Variants in MAGI3 observed in about 807,000 individuals in gnomAD.
MAGI3 encodes membrane associated guanylate kinase, WW and PDZ domain containing 3, also known as membrane-associated guanylate kinase, WW and PDZ domain-containing protein 3.
In MAGI3, 43 loss-of-function variants were observed where a neutral mutation model predicts 121.8. The ratio of observed to expected loss-of-function variants is 0.35; its 90% CI spans 0.28 to 0.46. The LOEUF is 0.46. Ranked by LOEUF, MAGI3 falls within the 20% of genes least tolerant of loss-of-function variation. The pLI is 1.00. For synonymous variants in MAGI3, 553 were observed against 639.3 expected (o/e 0.86, Z 2.04); for missense variants, 1,547 against 1,797.3 (o/e 0.86, Z 2.52).
intron 2 of MAGI3, among the ~76,000 whole-genome samples, chr1:113,568,269 A>G (rs988666717): frequency 1.3e-5 from 2 of 152,132 alleles, no homozygotes; most frequent in Non-Finnish European, 2.9e-5. Context: ...ACCATAGCAT[A>G]TAAGTTTTTT....
intron 6 of MAGI3, among the ~76,000 whole-genome samples, chr1:113,604,385 G>A (rs1649605969): frequency 6.6e-6 from 1 of 151,684 alleles, no homozygotes; most frequent in Admixed American, 6.6e-5. Flanking sequence ...TGGCCAATAT[G>A]GTGAAACCCC....
At chr1:113,545,082 TG>T (rs1345143372) in intron 1 of MAGI3, among the ~76,000 whole-genome samples, 4 of 140,732 alleles carry the variant, frequency 2.8e-5, no homozygotes, top group Admixed American at 7.7e-5. Flanking sequence ...TGTTTTGTTT[TG>T]TTTTTTTTTT....
At chr1:113,562,328 G>C (rs1660273702) in intron 2 of MAGI3, among the ~76,000 whole-genome samples, 1 of 152,274 alleles carries the variant, frequency 6.6e-6, no homozygotes, top group Admixed American at 6.5e-5. Context: ...GCATGAACCT[G>C]GGAGGTGGAG....
intron 20 of MAGI3, chr1:113,682,113 T>C: frequency 8.1e-7 from 1 of 1,239,916 alleles, no homozygotes; most frequent in Middle Eastern, 2.1e-4. Flanking sequence ...TTCCACCATC[T>C]GCTTGTAAAT....
At chr1:113,670,590 T>C (rs1647488507) in intron 16 of MAGI3, among the ~76,000 whole-genome samples, 1 of 152,176 alleles carries the variant, frequency 6.6e-6, no homozygotes, top group African/African-American at 2.4e-5. Flanking sequence ...TCAGCATATA[T>C]GTTTAAAGAG....
intron 1 of MAGI3, among the ~76,000 whole-genome samples, chr1:113,438,073 C>T (rs1653720425): frequency 6.6e-6 from 1 of 151,862 alleles, no homozygotes. Flanking sequence ...GAACTACAGG[C>T]ATGAGCCACT....
chr1:113,391,487 C>G lies in MAGI3; in HGVS notation c.316+138C>G. On this transcript the variant is annotated intron_variant, in intron 1 of 20. Transcript: ENST00000307546. This position sits in a 1 kb window ranked among gnomAD's most constrained non-coding sequence, Gnocchi z 4.4. The stretch of plus-strand genomic sequence containing the variant: ...CTCTAGGGTGTGCCAGACTCCTTGA[C>G]GAGGGGGAGGGGTGGCGTTGGTGAG... 1 of 986,566 alleles carries G rather than the reference C, an allele frequency of 1.0e-6. No individual in the cohort carries two copies. The highest frequency in any genetic ancestry group is 1.5e-6 in the Non-Finnish European group (1 of 685,782). 61.1% of individuals were successfully genotyped at this position (986,566 alleles called of 1,614,324 possible).
intron 19 of MAGI3, among the ~76,000 whole-genome samples, chr1:113,677,928 C>T (rs1454252932): frequency 1.3e-5 from 2 of 152,106 alleles, no homozygotes; most frequent in African/African-American, 2.4e-5. Flanking sequence ...CTGAATTTCC[C>T]TCTCAGAAGA....
At position 113,532,541 on chromosome 1, in the gene MAGI3, T is replaced by C. The variant is rs190992908; in HGVS notation, c.317-16974T>C. ...AATTGTCAGTTGTCTTATTTTTTAA[T>C]GTCTCTTCTAAATTGTCACATCTGT... On this transcript the variant is annotated intron_variant, in intron 1 of 20. Coordinates refer to ENST00000307546, the MANE Select transcript of MAGI3 (RefSeq NM_001142782.2). 1.3e-3 allele frequency among the ~76,000 whole-genome samples: 192 copies of C among 152,294 alleles called. 2 individuals carry two copies. Among genetic ancestry groups the C allele is most frequent in the Admixed American group, 4.2e-3 (65 of 15,310 alleles).
rs139532433 is a variant in MAGI3, at chr1:113,395,087, G to GTTTTTTTTTTTTT, written c.316+3755_316+3767dup. 9.3e-4 allele frequency among the ~76,000 whole-genome samples: 31 copies of GTTTTTTTTTTTTT among 33,238 alleles called. 3 individuals carry two copies. The highest frequency in any genetic ancestry group is 1.2e-3 in the Non-Finnish European group (24 of 19,646). 21.8% of individuals were successfully genotyped at this position (33,238 alleles called of 152,430 possible). The stretch of plus-strand genomic sequence containing the variant: ...TCTTATCTCTTGAATCTTTTTGTTA[G>GTTTTTTTTTTTTT]TTTTTTTTTTTTTTTTTTTTTTTTT... On this transcript the variant is annotated intron_variant, in intron 1 of 20. Coordinates refer to ENST00000307546, the MANE Select transcript of MAGI3 (RefSeq NM_001142782.2).
intron 4 of MAGI3, among the ~76,000 whole-genome samples, chr1:113,586,508 A>G (rs1284290342): frequency 6.6e-6 from 1 of 152,208 alleles, no homozygotes; most frequent in Non-Finnish European, 1.5e-5. Context: ...GTTCTGTTTT[A>G]TAGTCCTATC....
At chr1:113,508,301 G>A (rs1461063089) in intron 1 of MAGI3, among the ~76,000 whole-genome samples, 2 of 152,202 alleles carry the variant, frequency 1.3e-5, no homozygotes, top group Admixed American at 1.3e-4. Context: ...TCTGTGAAGT[G>A]ATTGAAAATA....
chr1:113,437,922 C>CCTTCTCCTT (rs140479665), intron 1 of MAGI3, among the ~76,000 whole-genome samples: 340 of 10,668 alleles, frequency 0.032, 82 homozygotes, highest in Middle Eastern at 0.083. Context: ...TTCTCCTTCT[C>CCTTCTCCTT]CTCCTTCTCC....
At chr1:113,393,716 C>T (rs1188798359) in intron 1 of MAGI3, among the ~76,000 whole-genome samples, 1 of 152,026 alleles carries the variant, frequency 6.6e-6, no homozygotes, top group East Asian at 1.9e-4. Context: ...GACAAAGATT[C>T]TTTATTGTGA....
chr1:113,549,644 T>C lies in MAGI3; in HGVS notation c.433+13T>C. On this transcript the variant is annotated intron_variant, in intron 2 of 20. Transcript: ENST00000307546. ...AGAACCATTCCATGTAAGTATGTGATGGAATAAAAGAACTGAAGCAGAAAT... is the reference window on the plus strand; with the variant it reads ...AGAACCATTCCATGTAAGTATGTGACGGAATAAAAGAACTGAAGCAGAAAT... 1 of 1,416,046 alleles carries C rather than the reference T, an allele frequency of 7.1e-7. No individual in the cohort carries two copies. The highest frequency in any genetic ancestry group is 9.8e-7 in the Non-Finnish European group (1 of 1,016,046). The allele number at this position is 1,416,046 out of a possible 1,614,324, so 87.7% of individuals were successfully genotyped here.
At chr1:113,591,306 A>G (rs1381789130) in intron 5 of MAGI3, among the ~76,000 whole-genome samples, 2 of 152,174 alleles carry the variant, frequency 1.3e-5, no homozygotes, top group East Asian at 3.8e-4. Context: ...TATCATGAAG[A>G]ATTTTTATAT....
intron 2 of MAGI3, among the ~76,000 whole-genome samples, chr1:113,570,291 T>C (rs1455980567): frequency 6.6e-6 from 1 of 152,182 alleles, no homozygotes; most frequent in East Asian, 1.9e-4. Context: ...CATTCTATCA[T>C]TGATGGGCAC....
chr1:113,656,419 C>CTTT (rs1171768187), intron 15 of MAGI3, among the ~76,000 whole-genome samples: 2,945 of 140,588 alleles, frequency 0.021, 103 homozygotes, highest in African/African-American at 0.072. Context: ...TTTTCTTTTT[C>CTTT]TTTTTTTTTT....
intron 1 of MAGI3, among the ~76,000 whole-genome samples, chr1:113,449,388 T>TGTGTGTGTGTGA (rs965305900): frequency 6.6e-6 from 1 of 151,260 alleles, no homozygotes; most frequent in East Asian, 1.9e-4. Context: ...TGTGTGTGTG[T>TGTGTGTGTGTGA]GACAGAGAGA....
Sources: allele counts gnomAD v4.1 joint callset (sites outside exome capture counted in the v4.1 genomes callset), GRCh38; gene constraint gnomAD v4.1.1; non-coding constraint Gnocchi (gnomAD v3.1); transcripts MANE v1.5; gene names NCBI Gene and HGNC (gene_info 2026-07-23, HGNC 2026-07-21).